IGSF3: variants seen among roughly 807,000 people sequenced by gnomAD.
The protein encoded by IGSF3 is glu-Trp-Ile EWI motif-containing protein 3.
IGSF3 carries 23 observed loss-of-function variants against 114.4 expected under a neutral mutation model. The ratio of observed to expected loss-of-function variants is 0.20; its 90% CI spans 0.14 to 0.28. IGSF3 has a LOEUF of 0.28. Ranked by LOEUF, IGSF3 falls within the 10% of genes least tolerant of loss-of-function variation. The pLI, the probability that IGSF3 is intolerant of heterozygous loss-of-function variation, is 1.00. For missense variants in IGSF3, 1,172 were observed against 1,591.5 expected (o/e 0.74, Z 4.48); for synonymous variants, 571 against 645.2 (o/e 0.88, Z 1.74).
intron 2 of IGSF3, among the ~76,000 whole-genome samples, chr1:116,659,440 T>C (rs1649018474): frequency 6.6e-6 from 1 of 152,146 alleles, no homozygotes; most frequent in Non-Finnish European, 1.5e-5. Context: ...TAAGCTTGAT[T>C]TTGATGCAAC....
chr1:116,577,633 G>T lies in IGSF3; in HGVS notation c.3335-71C>A. On this transcript the variant is annotated intron_variant, in intron 10 of 10. Transcript: ENST00000369486. The surrounding 1 kb of genome is among the most constrained non-coding windows in gnomAD (Gnocchi z 5.7). ...TGGACTGCTCACATTTCCTTTTGAAGACCTCACCTGACCCAGTGGAAGCTC... is the reference window on the plus strand; with the variant it reads ...TGGACTGCTCACATTTCCTTTTGAATACCTCACCTGACCCAGTGGAAGCTC... The T allele has an allele frequency of 6.8e-7, 1 of 1,468,108 alleles. No homozygotes were observed. The highest frequency in any genetic ancestry group is 1.2e-5 in the South Asian group (1 of 80,214). 90.9% of individuals were successfully genotyped at this position (1,468,108 alleles called of 1,614,324 possible).
chr1:116,608,171 G>A lies in IGSF3; in HGVS notation c.993C>T (p.Asn331=), dbSNP rs769671466. Residue 331 remains asparagine, a synonymous_variant, in exon 5 of 11, where the codon AAC becomes AAT. Coordinates refer to ENST00000369486, the MANE Select transcript of IGSF3 (RefSeq NM_001007237.3). ...ATTCGCTGTTGAGGACAGGCACAGC[G>A]TTAGGACCCATGGTGGCGATGAGCG... ...NSSLIATMGP[N]AVPVLNSEFA... is the part of the protein sequence containing the mutation. 18 of 1,612,380 alleles carry A rather than the reference G, an allele frequency of 1.1e-5. No individual in the cohort carries two copies. The highest frequency in any genetic ancestry group is 1.6e-4 in the Middle Eastern group (1 of 6,074).
At position 116,593,657 on chromosome 1, in the gene IGSF3, T is replaced by G. The variant is rs899711004; in HGVS notation, c.2030-4553A>C. Among the ~76,000 whole-genome samples, 1 of 152,040 alleles carries G rather than the reference T, an allele frequency of 6.6e-6. No homozygotes were observed. Among genetic ancestry groups the G allele is most frequent in the African/African-American group, 2.4e-5 (1 of 41,422 alleles). On this transcript the variant is annotated intron_variant, in intron 7 of 10. Transcript: ENST00000369486. The surrounding 1 kb of genome is among the most constrained non-coding windows in gnomAD (Gnocchi z 4.5). ...TTCCCTATTTGGGCCCTCAATGATCTCTTTCTCAGGCTCTTGTAATTGGCC... is the reference window on the plus strand; with the variant it reads ...TTCCCTATTTGGGCCCTCAATGATCGCTTTCTCAGGCTCTTGTAATTGGCC...
rs1571141811 is a variant in IGSF3 at position 116,600,306 on chromosome 1, C to G, written c.1664G>C (p.Gly555Ala). 6.2e-7 allele frequency: 1 copy of G among 1,612,202 alleles called. No individual in the cohort carries two copies. Among genetic ancestry groups the G allele is most frequent in the Non-Finnish European group, 8.5e-7 (1 of 1,179,098 alleles). The change falls in exon 7 of 11, where the codon GGG (glycine) becomes GCG (alanine). Residue 555 changes from glycine (G) to alanine (A), a missense_variant. Physicochemically the swap from Gly to Ala is moderately conservative, Grantham distance 60. Around this residue, in one of 3 missense-constraint regions of IGSF3, gnomAD observed 736 missense variants for 1,042.0 expected, o/e 0.71. Transcript: ENST00000369486. This position sits in a 1 kb window ranked among gnomAD's most constrained non-coding sequence, Gnocchi z 5.5. ...GTCAAAGGAGTCGCTGTAGGTCACC[C>G]CCGGTGTCCGGGAGATGGCTGTGAC... ...FAVTAISRTP[G>A]VTYSDSFDLQ... is the part of the protein sequence containing the mutation.
At position 116,584,020 on chromosome 1, in the gene IGSF3, C is replaced by T. The variant is rs143861308; in HGVS notation, c.2848+625G>A. On this transcript the variant is annotated intron_variant, in intron 9 of 10. Transcript: ENST00000369486. This position sits in a 1 kb window ranked among gnomAD's most constrained non-coding sequence, Gnocchi z 5.8. ...CTTGGCCAACATGATGAAACCCCGT[C>T]TCTACTAAAAATACACAAATTAGCC... Among the ~76,000 whole-genome samples the T allele has an allele frequency of 6.6e-6, 1 of 152,102 alleles. No individual in the cohort carries two copies. Among genetic ancestry groups the T allele is most frequent in the African/African-American group, 2.4e-5 (1 of 41,400 alleles).
Position 116,615,094 on chromosome 1 carries a change from G to A in IGSF3, c.422-919C>T, listed in dbSNP as rs1661167759. On this transcript the variant is annotated intron_variant, in intron 3 of 10. Transcript: ENST00000369486. The surrounding 1 kb of genome is among the most constrained non-coding windows in gnomAD (Gnocchi z 4.3). The stretch of plus-strand genomic sequence containing the variant: ...GTTCGAGACCAGCCTGACCAACATG[G>A]AGAAACCCCGTCTCTACTAAAAATA... Among the ~76,000 whole-genome samples, 1 of 152,070 alleles carries A rather than the reference G, an allele frequency of 6.6e-6. No homozygotes were observed.
intron 2 of IGSF3, among the ~76,000 whole-genome samples, chr1:116,652,235 C>T (rs1648661412): frequency 6.6e-6 from 1 of 152,202 alleles, no homozygotes; most frequent in Non-Finnish European, 1.5e-5. Context: ...TTTTCAAGCT[C>T]AGTCTAGTAT....
rs2878668 is a variant in IGSF3, at chr1:116,632,555, G to A, written c.44-16098C>T. 2.0e-5 allele frequency among the ~76,000 whole-genome samples: 3 copies of A among 152,200 alleles called. No homozygotes were observed. The highest frequency in any genetic ancestry group is 2.9e-5 in the Non-Finnish European group (2 of 68,042). On this transcript the variant is annotated intron_variant, in intron 2 of 10. Transcript: ENST00000369486. This position sits in a 1 kb window ranked among gnomAD's most constrained non-coding sequence, Gnocchi z 5.1. ...TGGAAGGCAACAAATGGACACGTGCGTGCTGAAGGACTCGTGTTTAATTCT... is the reference window on the plus strand; with the variant it reads ...TGGAAGGCAACAAATGGACACGTGCATGCTGAAGGACTCGTGTTTAATTCT...
Position 116,589,765 on chromosome 1 carries a change from T to TC in IGSF3, c.2030-662dup, listed in dbSNP as rs1660018618. On this transcript the variant is annotated intron_variant, in intron 7 of 10. Coordinates refer to ENST00000369486, the MANE Select transcript of IGSF3 (RefSeq NM_001007237.3). The surrounding 1 kb of genome is among the most constrained non-coding windows in gnomAD (Gnocchi z 5.7). Reference sequence around the variant, plus strand: ...CTCTCCCATATCCTAGATGGTGAGCTCCCCCAGGGCAGGGATCAAACTCCT... The same window carrying TC: ...CTCTCCCATATCCTAGATGGTGAGCTCCCCCCAGGGCAGGGATCAAACTCCT... Among the ~76,000 whole-genome samples, 1 of 152,048 alleles carries TC rather than the reference T, an allele frequency of 6.6e-6. No homozygotes were observed. Among genetic ancestry groups the TC allele is most frequent in the African/African-American group, 2.4e-5 (1 of 41,382 alleles).
rs745956688 is a variant in IGSF3, at chr1:116,577,360, A to G, written c.3537T>C (p.Thr1179=). 1.2e-6 allele frequency: 2 copies of G among 1,614,138 alleles called. No homozygotes were observed. Among genetic ancestry groups the G allele is most frequent in the Middle Eastern group, 1.7e-4 (1 of 6,046 alleles). Residue 1179 remains threonine (T), a synonymous_variant, in exon 11 of 11, where the codon ACT becomes ACC. Transcript: ENST00000369486. The surrounding 1 kb of genome is among the most constrained non-coding windows in gnomAD (Gnocchi z 5.7). ...IKEPHLNYSP[T]CLEPPVLSIH... is the part of the protein sequence containing the mutation. ...TACTGAGAACAGGGGGCTCCAGGCA[A>G]GTAGGGGAGTAGTTGAGGTGTGGCT...
chr1:116,637,909 C>T (rs995216033), intron 2 of IGSF3, among the ~76,000 whole-genome samples: 1 of 152,192 alleles, frequency 6.6e-6, no homozygotes, highest in African/African-American at 2.4e-5. Flanking sequence ...AACCCTCCAG[C>T]ATGCTAATGA....
In IGSF3 at chr1:116,584,556, T is replaced by A. The variant is rs1449309805; in HGVS notation, c.2848+89A>T. 7.9e-7 allele frequency: 1 copy of A among 1,262,282 alleles called. No homozygotes were observed. Among genetic ancestry groups the A allele is most frequent in the South Asian group, 1.3e-5 (1 of 79,066 alleles). The allele number at this position is 1,262,282 out of a possible 1,614,324, so 78.2% of individuals were successfully genotyped here. ...ATATATTTAACTGCAAATAATTTAT[T>A]AATAAACTAATTTTATCCAGTGCAT... is the stretch of plus-strand genomic sequence containing the variant. On this transcript the variant is annotated intron_variant, in intron 9 of 10. Coordinates refer to ENST00000369486, the MANE Select transcript of IGSF3 (RefSeq NM_001007237.3). The surrounding 1 kb of genome is among the most constrained non-coding windows in gnomAD (Gnocchi z 5.8).
chr1:116,634,914 C>T lies in IGSF3; in HGVS notation c.44-18457G>A, dbSNP rs754286476. Among the ~76,000 whole-genome samples the T allele has an allele frequency of 6.6e-6, 1 of 152,116 alleles. No homozygotes were observed. Among genetic ancestry groups the T allele is most frequent in the Non-Finnish European group, 1.5e-5 (1 of 68,024 alleles). ...CACACTATAAGGAAGCCCAAGCTACCCCACAGGAGAGACAAGGTGAAGAGA... is the reference window on the plus strand; with the variant it reads ...CACACTATAAGGAAGCCCAAGCTACTCCACAGGAGAGACAAGGTGAAGAGA... On this transcript the variant is annotated intron_variant, in intron 2 of 10. Coordinates refer to ENST00000369486, the MANE Select transcript of IGSF3 (RefSeq NM_001007237.3). This position sits in a 1 kb window ranked among gnomAD's most constrained non-coding sequence, Gnocchi z 4.2.
intron 7 of IGSF3, among the ~76,000 whole-genome samples, chr1:116,590,984 CCTT>C (rs1403373204): frequency 6.6e-6 from 1 of 152,046 alleles, no homozygotes; most frequent in East Asian, 1.9e-4. Context: ...AACCCACAGA[CCTT>C]CTCACGCCAT....
In IGSF3 at chr1:116,600,246, C is replaced by T. The variant is rs61730489; in HGVS notation, c.1724G>A (p.Trp575Ter). 12 of 1,613,968 alleles carry T rather than the reference C, an allele frequency of 7.4e-6. No individual in the cohort carries two copies. Among genetic ancestry groups the T allele is most frequent in the African/African-American group, 5.3e-5 (4 of 74,930 alleles). ...QCIIKPHYPA[W>*]VPVSVTWRFQ... Reference sequence around the variant, plus strand: ...CCGCCATGTCACCGACACGGGGACCCAGGCAGGGTAGTGGGGTTTGATGAT... The same window carrying T: ...CCGCCATGTCACCGACACGGGGACCTAGGCAGGGTAGTGGGGTTTGATGAT... The change falls in exon 7 of 11, where the codon TGG becomes TAG. Residue 575 changes from tryptophan to a stop codon, truncating the protein, a stop_gained. Transcript: ENST00000369486. LOFTEE classifies it high-confidence loss of function. This position sits in a 1 kb window ranked among gnomAD's most constrained non-coding sequence, Gnocchi z 5.5.
Position 116,592,321 on chromosome 1 carries a change from T to C in IGSF3, c.2030-3217A>G, listed in dbSNP as rs963651547. Among the ~76,000 whole-genome samples the C allele has an allele frequency of 2.0e-5, 3 of 152,098 alleles. No homozygotes were observed. Among genetic ancestry groups the C allele is most frequent in the African/African-American group, 4.8e-5 (2 of 41,400 alleles). On this transcript the variant is annotated intron_variant, in intron 7 of 10. Coordinates refer to ENST00000369486, the MANE Select transcript of IGSF3 (RefSeq NM_001007237.3). The surrounding 1 kb of genome is among the most constrained non-coding windows in gnomAD (Gnocchi z 4.5). ...GGCTTGGTTAACCCCCAACAGTGAA[T>C]TGGCAGGAGGAAGAAAGAATCCAGC...
At position 116,600,073 on chromosome 1, in the gene IGSF3, T is replaced by C. The variant is rs1241044498; in HGVS notation, c.1897A>G (p.Ser633Gly). The C allele has an allele frequency of 6.2e-7, 1 of 1,614,198 alleles. No individual in the cohort carries two copies. The highest frequency in any genetic ancestry group is 1.1e-5 in the South Asian group (1 of 91,076). The change falls in exon 7 of 11, where the codon AGC (serine) becomes GGC (glycine). Residue 633 changes from serine (S) to glycine (G), a missense_variant. By Grantham distance (56) the Ser-to-Gly change is moderately conservative. This residue lies in a region of IGSF3 where 736 missense variants were observed against 1,042.0 expected (regional missense o/e 0.71). Transcript: ENST00000369486. This position sits in a 1 kb window ranked among gnomAD's most constrained non-coding sequence, Gnocchi z 5.5. ...CCTGCTTCCGTGTCACTGGCTCGGCTGATGCTTAGGCGGACGTTGTTGCTG... is the reference window on the plus strand; with the variant it reads ...CCTGCTTCCGTGTCACTGGCTCGGCCGATGCTTAGGCGGACGTTGTTGCTG... ...ESSNNVRLSI[S>G]RASDTEAGKY...
intron 2 of IGSF3, among the ~76,000 whole-genome samples, chr1:116,645,240 G>C (rs1472135970): frequency 1.3e-5 from 2 of 152,258 alleles, no homozygotes; most frequent in African/African-American, 2.4e-5. Flanking sequence ...TGCTGAGTGA[G>C]AGAAGCCAGA....
intron 2 of IGSF3, among the ~76,000 whole-genome samples, chr1:116,645,397 G>T (rs1163605298): frequency 6.6e-6 from 1 of 152,190 alleles, no homozygotes; most frequent in African/African-American, 2.4e-5. Flanking sequence ...AACTTTTTGG[G>T]GACAGAGGAA....
Sources: allele counts gnomAD v4.1 joint callset (sites outside exome capture counted in the v4.1 genomes callset), GRCh38; gene constraint gnomAD v4.1.1; regional missense constraint gnomAD v4.1.1; non-coding constraint Gnocchi (gnomAD v3.1); transcripts MANE v1.5; gene names NCBI Gene and HGNC (gene_info 2026-07-23, HGNC 2026-07-21).